Variants in NCKAP5 observed in about 807,000 individuals in gnomAD.
NCKAP5 encodes nck-associated protein 5.
A neutral mutation model predicts 167.0 loss-of-function variants in NCKAP5; 92 were observed. That is an observed-to-expected ratio of 0.55 (90% confidence interval 0.47 to 0.66). NCKAP5 has a LOEUF of 0.66. Ranked by LOEUF, NCKAP5 falls within the 30% of genes least tolerant of loss-of-function variation. The probability of loss-of-function intolerance (pLI) is 0.00; values close to 1 mark genes in which losing one functional copy is unlikely to be tolerated. For synonymous variants in NCKAP5, 891 were observed against 877.4 expected (o/e 1.02, Z -0.27); for missense variants, 2,378 against 2,315.0 (o/e 1.03, Z -0.56).
intron 6 of NCKAP5, among the ~76,000 whole-genome samples, chr2:133,002,075 T>A (rs1040580015): frequency 6.6e-6 from 1 of 152,218 alleles, no homozygotes; most frequent in South Asian, 2.1e-4. Flanking sequence ...TTCTGGTATC[T>A]GACGAGGGGT....
rs191385795 is a variant in NCKAP5 at position 133,147,690 on chromosome 2, T to C, written c.208-17579A>G. ...GAGCAACATCTACATTCCCAGCTAGTAAGCGGCCTCTTCCCCATGGGTACA... is the reference window on the plus strand; with the variant it reads ...GAGCAACATCTACATTCCCAGCTAGCAAGCGGCCTCTTCCCCATGGGTACA... On this transcript the variant is annotated intron_variant, in intron 5 of 19. Coordinates refer to ENST00000409261, the MANE Select transcript of NCKAP5 (RefSeq NM_207363.3). Among the ~76,000 whole-genome samples the C allele has an allele frequency of 1.9e-3, 289 of 152,234 alleles. 2 individuals are homozygous for C. The highest frequency in any genetic ancestry group is 6.6e-3 in the African/African-American group (274 of 41,550).
At chr2:132,914,968 A>G (rs1694746770) in intron 8 of NCKAP5, among the ~76,000 whole-genome samples, 1 of 148,424 alleles carries the variant, frequency 6.7e-6, no homozygotes, top group African/African-American at 2.6e-5. Flanking sequence ...GAACTCAGCC[A>G]GCCATCAAGT....
At chr2:133,478,339 C>A (rs998890295) in intron 3 of NCKAP5, among the ~76,000 whole-genome samples, 2 of 152,270 alleles carry the variant, frequency 1.3e-5, no homozygotes, top group South Asian at 4.1e-4. Context: ...TGATAATGAA[C>A]TTCTTAAGGG....
chr2:133,636,458 C>T, the NCKAP5 span, among the ~76,000 whole-genome samples: 4 of 152,100 alleles, frequency 2.6e-5, no homozygotes, highest in African/African-American at 4.8e-5. Context: ...CAAGAAGAGG[C>T]GGTTGGATTT....
At chr2:133,056,459 A>T (rs952665363) in intron 6 of NCKAP5, among the ~76,000 whole-genome samples, 1 of 152,156 alleles carries the variant, frequency 6.6e-6, no homozygotes, top group Non-Finnish European at 1.5e-5. Flanking sequence ...AAACATTAAG[A>T]GTCAAGTTTT....
chr2:132,994,222 C>T lies in NCKAP5; in HGVS notation c.359G>A (p.Arg120Gln), dbSNP rs775385683. 1.1e-5 allele frequency: 17 copies of T among 1,586,328 alleles called. No homozygotes were observed. Among genetic ancestry groups the T allele is most frequent in the East Asian group, 6.8e-5 (3 of 44,182 alleles). Reference protein sequence around the residue: ...QQFSRMEETVRNLLQSQGSPE... With the variant: ...QQFSRMEETVQNLLQSQGSPE... ...AGATCCTTGACTCTGCAATAGATTT[C>T]GTACTGTTTCTTCCATCCTGAGAAA... Residue 120 changes from arginine to glutamine, a missense_variant, in exon 7 of 20, where the codon CGA becomes CAA. By Grantham distance (43) the Arg-to-Gln change is conservative. Coordinates refer to ENST00000409261, the MANE Select transcript of NCKAP5 (RefSeq NM_207363.3).
intron 16 of NCKAP5, among the ~76,000 whole-genome samples, chr2:132,761,291 G>C (rs942563813): frequency 6.6e-6 from 1 of 152,180 alleles, no homozygotes; most frequent in Non-Finnish European, 1.5e-5. Context: ...GTGGGGATTT[G>C]AGGAACGTTA....
At chr2:132,927,799 A>G (rs1350010659) in intron 8 of NCKAP5, among the ~76,000 whole-genome samples, 1 of 152,150 alleles carries the variant, frequency 6.6e-6, no homozygotes, top group Non-Finnish European at 1.5e-5. Flanking sequence ...TAGGCATAAG[A>G]TCATATCATC....
intron 5 of NCKAP5, among the ~76,000 whole-genome samples, chr2:133,137,406 TTGTGTGTGTGTGTGTGTGTGTG>T (rs58955655): frequency 5.1e-5 from 7 of 136,204 alleles, no homozygotes; most frequent in African/African-American, 2.0e-4. Flanking sequence ...GAGCTTGGTT[TTGTGTGTGTGTGTGTGTGTGTG>T]TGTGTGTGTG....
chr2:133,017,611 G>GA (rs202152501), intron 6 of NCKAP5, among the ~76,000 whole-genome samples: 124 of 147,462 alleles, frequency 8.4e-4, no homozygotes, highest in Middle Eastern at 3.5e-3. Flanking sequence ...TGTAGATTCT[G>GA]AAAAAAAAAA....
Position 132,784,610 on chromosome 2 carries a change from CT to C in NCKAP5, c.2200del (p.Arg734GlyfsTer15). On this transcript the variant is annotated frameshift_variant, in exon 14 of 20. Transcript: ENST00000409261. LOFTEE classifies it high-confidence loss of function. ...GTTTTTCTCAGTGTCCTCTTCAGAC[CT>C]TTTAAAGAAAGTATAGTCTCTTGCA... Reference protein sequence around the residue: ...AAARDYTFFKRSEEDTEKNIP... With the variant: ...AAARDYTFFKXSEEDTEKNIP... 6.2e-7 allele frequency: 1 copy of C among 1,609,204 alleles called. No individual in the cohort carries two copies. The highest frequency in any genetic ancestry group is 8.5e-7 in the Non-Finnish European group (1 of 1,177,576).
At chr2:132,680,705 A>G (rs1013070220) in intron 19 of NCKAP5, among the ~76,000 whole-genome samples, 2 of 152,130 alleles carry the variant, frequency 1.3e-5, no homozygotes, top group African/African-American at 4.8e-5. Flanking sequence ...AAAACGGGGG[A>G]AAGATGGGAG....
intron 3 of NCKAP5, among the ~76,000 whole-genome samples, chr2:133,397,956 T>C (rs1023165185): frequency 1.6e-4 from 24 of 152,104 alleles, no homozygotes; most frequent in African/African-American, 5.6e-4. Context: ...TTGGGGAGAA[T>C]CTTTTGACAA....
At chr2:133,518,343 G>GGTTT (rs1684184045) in intron 2 of NCKAP5, among the ~76,000 whole-genome samples, 1 of 66,222 alleles carries the variant, frequency 1.5e-5, no homozygotes, top group Non-Finnish European at 3.1e-5. Context: ...TACAGTAAAG[G>GGTTT]ATTTTTTTTT....
intron 3 of NCKAP5, among the ~76,000 whole-genome samples, chr2:133,475,820 G>A (rs1679831169): frequency 6.6e-6 from 1 of 152,122 alleles, no homozygotes; most frequent in Non-Finnish European, 1.5e-5. Flanking sequence ...AGTGACTAAA[G>A]GCATCAATAT....
chr2:133,614,152 G>A, the NCKAP5 span, among the ~76,000 whole-genome samples: 1 of 152,148 alleles, frequency 6.6e-6, no homozygotes, highest in Admixed American at 6.5e-5. Flanking sequence ...CAGGCTCCCT[G>A]AGATACCAAA....
At chr2:132,817,887 G>C (rs12621316) in intron 11 of NCKAP5, among the ~76,000 whole-genome samples, 27,947 of 152,200 alleles carry the variant, frequency 0.18, 2,874 homozygotes, top group East Asian at 0.29. Flanking sequence ...GGTCGGGAAT[G>C]ACATCAAATA....
intron 4 of NCKAP5, among the ~76,000 whole-genome samples, chr2:133,298,769 A>G (rs1331855452): frequency 6.6e-6 from 1 of 152,212 alleles, no homozygotes; most frequent in Non-Finnish European, 1.5e-5. Context: ...CCGGTTATAC[A>G]GTTTTAAAAA....
At chr2:133,137,406 TTGTGTG>T (rs58955655) in intron 5 of NCKAP5, among the ~76,000 whole-genome samples, 1,460 of 136,254 alleles carry the variant, frequency 0.011, 10 homozygotes, top group Middle Eastern at 0.036. Context: ...GAGCTTGGTT[TTGTGTG>T]TGTGTGTGTG....
Sources: gnomAD v4.1 joint callset for allele counts (sites outside exome capture counted in the v4.1 genomes callset) on GRCh38, gnomAD v4.1.1 for gene constraint, MANE v1.5 for transcripts, NCBI Gene and HGNC (gene_info 2026-07-23, HGNC 2026-07-21) for gene names.